The following ZNF331 variants were observed in gnomAD, a reference collection of about 807,000 sequenced individuals.
ZNF331 encodes the protein C2H2-like zinc finger protein rearranged in thyroid adenomas.
In ZNF331, 2 loss-of-function variants were observed where a neutral mutation model predicts 7.0. The ratio of observed to expected loss-of-function variants is 0.29; its 90% CI spans 0.12 to 0.90. The LOEUF (loss-of-function observed/expected upper bound fraction) is 0.90. Among genes scored for constraint, ZNF331 ranks in the 40% least tolerant of loss-of-function variants. The pLI, the probability that ZNF331 is intolerant of heterozygous loss-of-function variation, is 0.58. For synonymous variants in ZNF331, 196 were observed against 205.4 expected, an observed-to-expected ratio of 0.95 and a Z score of 0.39; for missense variants, 432 against 587.7, an observed-to-expected ratio of 0.74 and a Z score of 2.74.
rs567808426 is a variant in ZNF331 at position 53,541,088 on chromosome 19, G to A, written c.-138+1806G>A. Among the ~76,000 whole-genome samples, 17 of 150,302 alleles carry A rather than the reference G, an allele frequency of 1.1e-4. 1 individual carries two copies. Among genetic ancestry groups the A allele is most frequent in the African/African-American group, 4.2e-4 (17 of 40,720 alleles). ...GACATGTTTGAGAGAGGCAACGAGA[G>A]AACAATAATCATATTTCTTTTCTTT... is the stretch of plus-strand genomic sequence containing the variant. On this transcript the variant is annotated intron_variant, in intron 2 of 5. Coordinates refer to ENST00000449416, the MANE Select transcript of ZNF331 (RefSeq NM_001079906.2).
In ZNF331 at chr19:53,576,273, C is replaced by T. The variant is rs192307826; in HGVS notation, c.137-424C>T. On this transcript the variant is annotated intron_variant, in intron 5 of 5. Coordinates refer to ENST00000449416, the MANE Select transcript of ZNF331 (RefSeq NM_001079906.2). The stretch of plus-strand genomic sequence containing the variant: ...TGCTGGGATTACAGGCGTGATGAGC[C>T]ACCACTCCCGGCCCTTTACCAGTTA... 3.6e-3 allele frequency among the ~76,000 whole-genome samples: 547 copies of T among 152,308 alleles called. 12 individuals carry two copies. The highest frequency in any genetic ancestry group is 0.028 in the Admixed American group (435 of 15,290).
chr19:53,551,676 C>A (rs1176446432), intron 2 of ZNF331, among the ~76,000 whole-genome samples: 1 of 152,064 alleles, frequency 6.6e-6, no homozygotes, highest in African/African-American at 2.4e-5. Context: ...AGGTTTGCAT[C>A]CTATTTTACA....
rs149071213 is a variant in ZNF331, at chr19:53,577,541, C to T, written c.981C>T (p.His327=). 2.2e-4 allele frequency: 348 copies of T among 1,612,718 alleles called. 2 individuals are homozygous for T. The African/African-American group carries it at 3.9e-3, about 18-fold the overall frequency. Residue 327 remains histidine, a synonymous_variant, in exon 6 of 6, where the codon CAC becomes CAT. Transcript: ENST00000449416. ...AGATCCACACCGGTGAGAAGCCTCA[C>T]GAATGTAAGGAGTGTGGGAAGGCCT... The part of the protein sequence containing the change: ...HQKIHTGEKP[H]ECKECGKAFR...
chr19:53,538,557 C>T (rs2087900237), intron 1 of ZNF331: 1 of 153,014 alleles, frequency 6.5e-6, no homozygotes, highest in Non-Finnish European at 1.5e-5. Flanking sequence ...GGATGCACCT[C>T]TGCACCGTGT....
rs368040753 is a variant in ZNF331 at position 53,554,210 on chromosome 19, G to T, written c.-137-1635G>T. On this transcript the variant is annotated intron_variant, in intron 2 of 5. Transcript: ENST00000449416. ...ACCGCCGAGTGCGCCTGTGGCTTCG[G>T]GAGAGGCCAAAGAAGGAAGGAGTGG... 3.7e-4 allele frequency among the ~76,000 whole-genome samples: 56 copies of T among 152,326 alleles called. 1 individual carries two copies. In the South Asian group the frequency reaches 0.01, roughly 28 times the overall value.
chr19:53,575,093 C>T (rs778350251), intron 5 of ZNF331, among the ~76,000 whole-genome samples: 2 of 151,558 alleles, frequency 1.3e-5, no homozygotes, highest in Admixed American at 6.6e-5. Context: ...TACACCACCA[C>T]ACCTGGCTAA....
chr19:53,563,801 TC>T (rs759373201), intron 3 of ZNF331: 1 of 151,910 alleles, frequency 6.6e-6, no homozygotes, highest in Non-Finnish European at 1.5e-5. Context: ...AGGTTAGTAA[TC>T]ATCAGAGCTC....
intron 3 of ZNF331, among the ~76,000 whole-genome samples, chr19:53,567,460 G>T (rs2090210671): frequency 6.6e-6 from 1 of 152,092 alleles, no homozygotes; most frequent in African/African-American, 2.4e-5. Context: ...GCTAATCTAT[G>T]AGGCTCATGG....
rs867971476 is a variant in ZNF331 at position 53,573,220 on chromosome 19, A to G, written c.136+1490A>G. ...GGCAACAAAGCGAGACTCTGTCTCA[A>G]AAATAATAAAAAATAAGGCCGGGTG... is the stretch of plus-strand genomic sequence containing the variant. On this transcript the variant is annotated intron_variant, in intron 5 of 5. Coordinates refer to ENST00000449416, the MANE Select transcript of ZNF331 (RefSeq NM_001079906.2). The surrounding 1 kb of genome is among the most constrained non-coding windows in gnomAD (Gnocchi z 4.2). Among the ~76,000 whole-genome samples the G allele has an allele frequency of 2.0e-5, 3 of 152,058 alleles. No individual in the cohort carries two copies. The highest frequency in any genetic ancestry group is 2.9e-5 in the Non-Finnish European group (2 of 67,998).
At chr19:53,511,020 T>C in the ZNF331 span, among the ~76,000 whole-genome samples, 2 of 152,122 alleles carry the variant, frequency 1.3e-5, no homozygotes. Flanking sequence ...TTCAAACTGA[T>C]TCCTAACATC....
chr19:53,544,363 G>A (rs1205678534), intron 2 of ZNF331, among the ~76,000 whole-genome samples: 1 of 150,986 alleles, frequency 6.6e-6, no homozygotes, highest in East Asian at 2.0e-4. Flanking sequence ...GGCTAACACG[G>A]TGAAACCCCA....
chr19:53,536,347 C>T (rs2087748650), upstream of ZNF331: 1 of 152,126 alleles, frequency 6.6e-6, no homozygotes, highest in African/African-American at 2.4e-5. Flanking sequence ...GAAACTTTAC[C>T]ACACTGTGAA....
the ZNF331 span, among the ~76,000 whole-genome samples, chr19:53,508,024 G>A: frequency 1.3e-5 from 2 of 152,152 alleles, no homozygotes; most frequent in African/African-American, 4.8e-5. Context: ...GTCTGAGGAA[G>A]CATACCCTCT....
intron 2 of ZNF331, among the ~76,000 whole-genome samples, chr19:53,523,958 C>A (rs2049585560): frequency 6.6e-6 from 1 of 152,176 alleles, no homozygotes; most frequent in Non-Finnish European, 1.5e-5. Context: ...ATTCACCACC[C>A]TGTGTCCAAT....
At chr19:53,529,330 G>A (rs1285875239) in intron 2 of ZNF331, among the ~76,000 whole-genome samples, 20 of 151,886 alleles carry the variant, frequency 1.3e-4, no homozygotes, top group Admixed American at 1.3e-3. Context: ...AACCCGGGAG[G>A]TGGAGCTTGC....
chr19:53,536,347 C>G (rs2087748650), upstream of ZNF331: 1 of 152,126 alleles, frequency 6.6e-6, no homozygotes, highest in Non-Finnish European at 1.5e-5. Flanking sequence ...GAAACTTTAC[C>G]ACACTGTGAA....
rs570668025 is a variant in ZNF331, at chr19:53,561,117, C to T, written c.-74+5209C>T. The stretch of plus-strand genomic sequence containing the variant: ...AAGCTGCAGTAAGCTGGGTTCACAC[C>T]ACTGTACTCCAGTGGCGACAGAGTG... On this transcript the variant is annotated intron_variant, in intron 3 of 5. Coordinates refer to ENST00000449416, the MANE Select transcript of ZNF331 (RefSeq NM_001079906.2). 2.0e-5 allele frequency among the ~76,000 whole-genome samples: 3 copies of T among 152,172 alleles called. No individual in the cohort carries two copies. The East Asian group carries it at 5.8e-4, about 29-fold the overall frequency.
At chr19:53,551,622 G>A (rs2089015338) in intron 2 of ZNF331, among the ~76,000 whole-genome samples, 1 of 152,008 alleles carries the variant, frequency 6.6e-6, no homozygotes, top group African/African-American at 2.4e-5. Context: ...CTGCATCTGT[G>A]GATTCAGCCA....
chr19:53,575,086 AC>A (rs1438813932), intron 5 of ZNF331, among the ~76,000 whole-genome samples: 2 of 150,542 alleles, frequency 1.3e-5, no homozygotes, highest in Non-Finnish European at 3.0e-5. Context: ...ATAGGTGTAC[AC>A]CACCACACCT....
Sources: allele counts gnomAD v4.1 joint callset (sites outside exome capture counted in the v4.1 genomes callset), GRCh38; gene constraint gnomAD v4.1.1; non-coding constraint Gnocchi (gnomAD v3.1); transcripts MANE v1.5; gene names NCBI Gene and HGNC (gene_info 2026-07-23, HGNC 2026-07-21).